Variants in PCDH15 observed in about 807,000 individuals in gnomAD.
PCDH15 encodes the protein protocadherin-15.
A neutral mutation model predicts 178.5 loss-of-function variants in PCDH15; 129 were observed. That is an observed-to-expected ratio of 0.72 (90% CI 0.63 to 0.84). PCDH15 has a LOEUF of 0.84. PCDH15 is among the 40% of genes least tolerant of loss of function. The probability of loss-of-function intolerance (pLI) is 0.00; values close to 1 mark genes in which losing one functional copy is unlikely to be tolerated. For missense variants in PCDH15, 2,230 were observed against 2,099.9 expected (o/e 1.06, Z -1.21); for synonymous variants, 800 against 732.0 (o/e 1.09, Z -1.50).
At chr10:55,285,140 GTATTTATATGGTAAATACAAGTTTACCAT>G (rs1392230210) in intron 1 of PCDH15, among the ~76,000 whole-genome samples, 1,782 of 141,504 alleles carry the variant, frequency 0.013, 47 homozygotes, top group African/African-American at 0.043. Flanking sequence ...ATATAAACTT[GTATTTATATGGTAAATACAAGTTTACCAT>G]ATAAACTTGT....
intron 3 of PCDH15, among the ~76,000 whole-genome samples, chr10:54,431,826 G>T (rs370346222): frequency 1.3e-5 from 2 of 152,070 alleles, no homozygotes; most frequent in African/African-American, 4.8e-5. Flanking sequence ...ATCCTTGATT[G>T]TAGATGTTAT....
intron 2 of PCDH15, among the ~76,000 whole-genome samples, chr10:55,133,406 C>T (rs1231862862): frequency 6.6e-6 from 1 of 152,154 alleles, no homozygotes; most frequent in Non-Finnish European, 1.5e-5. Context: ...ACTGGCCACT[C>T]CTTCCCAGCC....
chr10:55,216,654 GA>G (rs1473734698), intron 1 of PCDH15, among the ~76,000 whole-genome samples: 3 of 151,836 alleles, frequency 2.0e-5, no homozygotes, highest in Non-Finnish European at 2.9e-5. Flanking sequence ...TAATTACCTT[GA>G]TTTAATAATT....
intron 11 of PCDH15, 133 bp from the exon 12 acceptor site, chr10:54,185,401 A>G (rs779323654): frequency 4.7e-4 from 470 of 992,888 alleles, no homozygotes; most frequent in Non-Finnish European, 6.9e-4. Flanking sequence ...ACGATAAAAG[A>G]TATTTAACTA....
intron 2 of PCDH15, among the ~76,000 whole-genome samples, chr10:55,569,438 G>C (rs1842364872): frequency 6.6e-6 from 1 of 151,592 alleles, no homozygotes; most frequent in Admixed American, 6.6e-5. Flanking sequence ...ACAACAAAGG[G>C]CAAAAAGTGT....
At chr10:54,507,595 A>G (rs925853913) in intron 3 of PCDH15, among the ~76,000 whole-genome samples, 13 of 151,936 alleles carry the variant, frequency 8.6e-5, no homozygotes, top group African/African-American at 3.1e-4. Flanking sequence ...ATTTGCATGC[A>G]TTTTACTCAT....
At position 55,476,148 on chromosome 10, in the gene PCDH15, C is replaced by G. The variant is rs1840058136; in HGVS notation, c.-156+151477G>C. Among the ~76,000 whole-genome samples the G allele has an allele frequency of 2.0e-5, 3 of 152,030 alleles. No individual in the cohort carries two copies. In the South Asian group the frequency reaches 6.2e-4, roughly 32 times the overall value. ...GAGGCTCAATAAGTACATGCTAAAA[C>G]AATTACTGGATTGATTTGATTGCTA... is the stretch of plus-strand genomic sequence containing the variant. On this transcript the variant is annotated intron_variant, in intron 2 of 5. Coordinates refer to the PCDH15 transcript ENST00000613346.
chr10:54,457,320 C>T (rs1589510027), intron 3 of PCDH15, among the ~76,000 whole-genome samples: 2 of 152,116 alleles, frequency 1.3e-5, no homozygotes, highest in Admixed American at 1.3e-4. Flanking sequence ...AAACAATGAG[C>T]AATATTAGGA....
At chr10:55,238,272 C>A (rs1415133011) in intron 1 of PCDH15, among the ~76,000 whole-genome samples, 1 of 151,436 alleles carries the variant, frequency 6.6e-6, no homozygotes, top group African/African-American at 2.4e-5. Flanking sequence ...GCCTCAGCCT[C>A]CCGAGTAGTT....
At chr10:54,147,780 T>A (rs549773000) in intron 14 of PCDH15, among the ~76,000 whole-genome samples, 1 of 152,130 alleles carries the variant, frequency 6.6e-6, no homozygotes, top group Admixed American at 6.6e-5. Context: ...AGCATTATTA[T>A]CATTGCTACT....
intron 3 of PCDH15, among the ~76,000 whole-genome samples, chr10:54,484,007 C>T (rs1046148764): frequency 1.3e-5 from 2 of 151,646 alleles, no homozygotes. Flanking sequence ...ATGATTTTTC[C>T]CACTGTCCAA....
intron 2 of PCDH15, among the ~76,000 whole-genome samples, chr10:55,602,855 T>C (rs1843120147): frequency 6.6e-6 from 1 of 152,112 alleles, no homozygotes; most frequent in Non-Finnish European, 1.5e-5. Flanking sequence ...AGGAACACAG[T>C]TCCTCACCAG....
At position 55,123,818 on chromosome 10, in the gene PCDH15, A is replaced by T. The variant is rs778399568; in HGVS notation, c.-80+42758T>A. On this transcript the variant is annotated intron_variant, in intron 2 of 5. Coordinates refer to the PCDH15 transcript ENST00000458638. ...CATGGGCTCCTGCTCTCCATTTGTCAGTTTCATCCACGATATTATTTACAT... is the reference window on the plus strand; with the variant it reads ...CATGGGCTCCTGCTCTCCATTTGTCTGTTTCATCCACGATATTATTTACAT... Among the ~76,000 whole-genome samples, 10 of 152,156 alleles carry T rather than the reference A, an allele frequency of 6.6e-5. 1 individual carries two copies. Among genetic ancestry groups the T allele is most frequent in the Non-Finnish European group, 1.3e-4 (9 of 68,020 alleles).
chr10:54,127,165 T>C (rs16905569), intron 15 of PCDH15, among the ~76,000 whole-genome samples: 1,725 of 152,262 alleles, frequency 0.011, 27 homozygotes, highest in African/African-American at 0.04. Flanking sequence ...AATTGCCAGC[T>C]TTTATCTTCT....
intron 2 of PCDH15, among the ~76,000 whole-genome samples, chr10:54,972,699 A>G (rs1420431995): frequency 6.6e-6 from 1 of 151,114 alleles, no homozygotes; most frequent in Non-Finnish European, 1.5e-5. Flanking sequence ...AATACAAAAA[A>G]TTAGCCAGGC....
At chr10:53,834,545 A>G (rs1169239858) in intron 29 of PCDH15, among the ~76,000 whole-genome samples, 1 of 144,878 alleles carries the variant, frequency 6.9e-6, no homozygotes, top group African/African-American at 2.6e-5. Flanking sequence ...CGTCATTTTC[A>G]TCTACAGTGT....
intron 2 of PCDH15, among the ~76,000 whole-genome samples, chr10:55,562,058 C>T (rs1279304933): frequency 6.6e-6 from 1 of 151,840 alleles, no homozygotes; most frequent in African/African-American, 2.4e-5. Context: ...CTTTGATTTT[C>T]TGTCATATTT....
At chr10:55,133,684 C>T (rs112490009) in intron 2 of PCDH15, among the ~76,000 whole-genome samples, 2 of 152,202 alleles carry the variant, frequency 1.3e-5, no homozygotes, top group African/African-American at 4.8e-5. Context: ...GATCTTCTTT[C>T]CCCAAATATG....
intron 2 of PCDH15, among the ~76,000 whole-genome samples, chr10:54,604,981 ATATAAT>A (rs1420506201): frequency 4.6e-5 from 7 of 151,838 alleles, no homozygotes; most frequent in Admixed American, 1.3e-4. Context: ...CTTACATAAA[ATATAAT>A]TATAATAATC....
Sources: allele counts gnomAD v4.1 joint callset (sites outside exome capture counted in the v4.1 genomes callset), GRCh38; gene constraint gnomAD v4.1.1; transcripts MANE v1.5; gene names NCBI Gene and HGNC (gene_info 2026-07-23, HGNC 2026-07-21).